The following MAGI2 variants were observed in gnomAD, a reference collection of about 807,000 sequenced individuals.
The protein encoded by MAGI2 is membrane associated guanylate kinase, WW and PDZ domain containing 2.
A neutral mutation model predicts 133.3 loss-of-function variants in MAGI2; 35 were observed. The ratio of observed to expected loss-of-function variants is 0.26; its 90% CI spans 0.20 to 0.35. The LOEUF is 0.35. MAGI2 is among the 10% of genes least tolerant of loss of function. The pLI is 1.00. For missense variants in MAGI2, 1,636 were observed against 1,863.4 expected (o/e 0.88, Z 2.25); for synonymous variants, 729 against 710.6 (o/e 1.03, Z -0.41).
At chr7:79,444,753 G>T (rs1299978408) in intron 1 of MAGI2, among the ~76,000 whole-genome samples, 1 of 152,150 alleles carries the variant, frequency 6.6e-6, no homozygotes, top group Non-Finnish European at 1.5e-5. Flanking sequence ...GTAATTTATA[G>T]ATTCAATGCT....
At chr7:78,076,852 C>CAAAAAAAAAAAA (rs1242148618) in intron 21 of MAGI2, among the ~76,000 whole-genome samples, 2 of 42,548 alleles carry the variant, frequency 4.7e-5, no homozygotes, top group African/African-American at 1.9e-4. Context: ...GACTCCGTCT[C>CAAAAAAAAAAAA]AAAAAAAAAA....
At chr7:78,910,125 G>A (rs1378478343) in intron 2 of MAGI2, among the ~76,000 whole-genome samples, 1 of 152,076 alleles carries the variant, frequency 6.6e-6, no homozygotes, top group Non-Finnish European at 1.5e-5. Context: ...ACACATTCTG[G>A]GTCCTGTTGT....
chr7:78,954,665 C>A (rs1158047958), intron 2 of MAGI2, among the ~76,000 whole-genome samples: 5 of 152,118 alleles, frequency 3.3e-5, no homozygotes, highest in Non-Finnish European at 5.9e-5. Context: ...GGCCAAAGGT[C>A]TAGAGAATAA....
intron 1 of MAGI2, among the ~76,000 whole-genome samples, chr7:79,433,031 C>G (rs1847880547): frequency 6.6e-6 from 1 of 152,160 alleles, no homozygotes; most frequent in Admixed American, 6.5e-5. Flanking sequence ...CACTAACCTC[C>G]CTTTTCACTG....
chr7:78,830,726 GA>G (rs1791071519), intron 2 of MAGI2, among the ~76,000 whole-genome samples: 1 of 152,156 alleles, frequency 6.6e-6, no homozygotes, highest in African/African-American at 2.4e-5. Context: ...AATGCTAAGT[GA>G]AGAAAGGATT....
At chr7:79,021,840 G>A (rs1312718980) in intron 1 of MAGI2, among the ~76,000 whole-genome samples, 2 of 98,418 alleles carry the variant, frequency 2.0e-5, no homozygotes, top group Non-Finnish European at 4.8e-5. Flanking sequence ...ATATGGCTGC[G>A]TCTTTGTCCC....
chr7:78,899,329 G>T (rs1175692284), intron 2 of MAGI2, among the ~76,000 whole-genome samples: 1 of 152,084 alleles, frequency 6.6e-6, no homozygotes, highest in Non-Finnish European at 1.5e-5. Flanking sequence ...TACTTAAATC[G>T]TTAATGTTAT....
chr7:79,248,748 G>A (rs187822543), intron 1 of MAGI2, among the ~76,000 whole-genome samples: 41 of 152,066 alleles, frequency 2.7e-4, no homozygotes, highest in African/African-American at 8.7e-4. Context: ...ATGGAAATTA[G>A]ACAATAAGCT....
At chr7:78,122,201 G>A (rs1221471708) in intron 20 of MAGI2, among the ~76,000 whole-genome samples, 2 of 152,104 alleles carry the variant, frequency 1.3e-5, no homozygotes, top group Non-Finnish European at 2.9e-5. Context: ...TGGGGCTATG[G>A]GTTCATGGGT....
chr7:79,143,619 C>T (rs1285857929), intron 1 of MAGI2, among the ~76,000 whole-genome samples: 1 of 152,150 alleles, frequency 6.6e-6, no homozygotes, highest in Non-Finnish European at 1.5e-5. Context: ...TCCTACAACA[C>T]TTCAGGATAA....
chr7:78,613,943 T>C (rs1057376923), intron 3 of MAGI2, among the ~76,000 whole-genome samples: 2 of 151,772 alleles, frequency 1.3e-5, no homozygotes, highest in Non-Finnish European at 2.9e-5. Context: ...ACCTCATCTC[T>C]ACTAAAAATA....
intron 1 of MAGI2, among the ~76,000 whole-genome samples, chr7:79,179,732 A>C (rs933527205): frequency 6.6e-6 from 1 of 152,018 alleles, no homozygotes; most frequent in African/African-American, 2.4e-5. Flanking sequence ...ATGCAGAAGA[A>C]TGAAACTAGA....
intron 1 of MAGI2, among the ~76,000 whole-genome samples, chr7:79,451,993 G>A (rs1849296885): frequency 6.6e-6 from 1 of 152,142 alleles, no homozygotes; most frequent in South Asian, 2.1e-4. Context: ...AGCAAAGACA[G>A]GGAGTTCTGG....
rs2868839 is a variant in MAGI2, at chr7:78,077,725, G to T, written c.3706+1222C>A. Among the ~76,000 whole-genome samples the T allele has an allele frequency of 2.7e-3, 278 of 101,180 alleles. 3 individuals carry two copies. The highest frequency in any genetic ancestry group is 6.8e-3 in the African/African-American group (169 of 24,890). 66.4% of individuals were successfully genotyped at this position (101,180 alleles called of 152,430 possible). A position where few individuals can be genotyped will look rare whatever the true frequency, so the allele number is the denominator to read the frequency against. ...TGAAATGAAAAGTACTCTTTAGAAT[G>T]TTTTTTTTTTTTTTTTTTTTTGAGA... On this transcript the variant is annotated intron_variant, in intron 21 of 21. Transcript: ENST00000354212.
At chr7:79,291,330 G>A (rs1836467906) in intron 1 of MAGI2, among the ~76,000 whole-genome samples, 1 of 151,858 alleles carries the variant, frequency 6.6e-6, no homozygotes, top group Non-Finnish European at 1.5e-5. Flanking sequence ...GGACATTTGG[G>A]TTGTTTCCAA....
intron 2 of MAGI2, among the ~76,000 whole-genome samples, chr7:78,941,336 AT>A (rs1254819280): frequency 6.6e-6 from 1 of 152,044 alleles, no homozygotes; most frequent in African/African-American, 2.4e-5. Flanking sequence ...ATACAAGGTA[AT>A]TTCTATTTCT....
At chr7:78,217,067 T>C (rs561284880) in intron 10 of MAGI2, among the ~76,000 whole-genome samples, 1 of 152,322 alleles carries the variant, frequency 6.6e-6, no homozygotes, top group South Asian at 2.1e-4. Context: ...ACAAGTTCTA[T>C]TGGACTAGTG....
intron 11 of MAGI2, among the ~76,000 whole-genome samples, chr7:78,199,714 GA>G (rs2150754036): frequency 6.6e-6 from 1 of 152,278 alleles, no homozygotes; most frequent in East Asian, 1.9e-4. Flanking sequence ...CTATGCCGTG[GA>G]AGTCCAAGCC....
intron 2 of MAGI2, among the ~76,000 whole-genome samples, chr7:78,695,066 A>G (rs1817363555): frequency 6.6e-6 from 1 of 152,076 alleles, no homozygotes; most frequent in Non-Finnish European, 1.5e-5. Flanking sequence ...TCTACTAAAA[A>G]TATGAAAGAT....
Sources: allele counts gnomAD v4.1 joint callset (sites outside exome capture counted in the v4.1 genomes callset), GRCh38; gene constraint gnomAD v4.1.1; transcripts MANE v1.5; gene names NCBI Gene and HGNC (gene_info 2026-07-23, HGNC 2026-07-21).